The following SPINK8 variants were observed in gnomAD, a reference collection of about 807,000 sequenced individuals.
The protein encoded by SPINK8 is serine peptidase inhibitor Kazal type 8 (putative), also known as serine protease inhibitor Kazal-type 8.
A neutral mutation model predicts 14.4 loss-of-function variants in SPINK8; 12 were observed. The observed-to-expected ratio is 0.83, with a 90% CI of 0.53 to 1.35. The LOEUF (loss-of-function observed/expected upper bound fraction) is 1.35. SPINK8 is among the 40% of genes most tolerant of loss of function. The pLI, the probability that SPINK8 is intolerant of heterozygous loss-of-function variation, is 0.00. For synonymous variants in SPINK8, 32 were observed against 37.6 expected (o/e 0.85, Z 0.55); for missense variants, 103 against 117.0 (o/e 0.88, Z 0.55).
At chr3:48,331,856 G>A (rs1361901012) in intron 2 of SPINK8, among the ~76,000 whole-genome samples, 6 of 152,208 alleles carry the variant, frequency 3.9e-5, no homozygotes, top group Non-Finnish European at 7.3e-5. Flanking sequence ...AGAAGGCCGC[G>A]CTAGTGTCCA....
intron 5 of SPINK8, among the ~76,000 whole-genome samples, chr3:48,320,288 G>A (rs1450819497): frequency 6.6e-6 from 1 of 152,124 alleles, no homozygotes; most frequent in South Asian, 2.1e-4. Flanking sequence ...GGCGGCTCAC[G>A]CCTGCACTCC....
chr3:48,324,689 G>C lies in SPINK8; in HGVS notation c.67+3586C>G, dbSNP rs574627642. Among the ~76,000 whole-genome samples the C allele has an allele frequency of 4.6e-5, 7 of 152,214 alleles. No individual in the cohort carries two copies. In the East Asian group the frequency reaches 1.2e-3, roughly 25 times the overall value. The stretch of plus-strand genomic sequence containing the variant: ...TGATTTCAATCCTTTTAGATTTATT[G>C]AGGCTTGTTTTATGATCTAGGATAT... On this transcript the variant is annotated intron_variant, in intron 4 of 7. Coordinates refer to ENST00000434006, the MANE Select transcript of SPINK8 (RefSeq NM_001080525.3).
At chr3:48,310,644 T>C (rs968609272) in intron 6 of SPINK8, among the ~76,000 whole-genome samples, 1 of 152,062 alleles carries the variant, frequency 6.6e-6, no homozygotes, top group Non-Finnish European at 1.5e-5. Flanking sequence ...ATTACAGGCA[T>C]GCGCCACCAG....
rs1470857515 is a variant in SPINK8 at position 48,306,905 on chromosome 3, TAAAGGGGA to T, written c.*79_*86del. 1.5e-5 allele frequency: 20 copies of T among 1,374,820 alleles called. No homozygotes were observed. The Middle Eastern group carries it at 7.2e-4, about 50-fold the overall frequency. 85.2% of individuals were successfully genotyped at this position (1,374,820 alleles called of 1,614,324 possible). On this transcript the variant is annotated 3_prime_UTR_variant, in exon 8 of 8. Coordinates refer to ENST00000434006, the MANE Select transcript of SPINK8 (RefSeq NM_001080525.3). ...CGAGTTTGATCCAACCATTAGTAAT[TAAAGGGGA>T]TATATTTGAAGAGGCAACCATTGTG...
chr3:48,309,158 A>T (rs1233204456), intron 7 of SPINK8, among the ~76,000 whole-genome samples: 1 of 152,140 alleles, frequency 6.6e-6, no homozygotes, highest in Non-Finnish European at 1.5e-5. Flanking sequence ...ATTATTACTA[A>T]ATTATACAAT....
At chr3:48,321,096 A>C (rs1210488310) in intron 4 of SPINK8, 22 bp from the exon 5 acceptor site, 4 of 1,565,458 alleles carry the variant, frequency 2.6e-6, no homozygotes, top group South Asian at 1.2e-5. Context: ...AAGCACATAC[A>C]GAAAAGTTGC....
chr3:48,319,582 A>G lies in SPINK8; in HGVS notation c.154T>C (p.Leu52=). 6.2e-7 allele frequency: 1 copy of G among 1,613,978 alleles called. No homozygotes were observed. Among genetic ancestry groups the G allele is most frequent in the Non-Finnish European group, 8.5e-7 (1 of 1,179,886 alleles). ...GGTTCACTGGGCTTGATGTAGGATA[A>G]AAACCAGCACTTATTTACATTCTTG... is the stretch of plus-strand genomic sequence containing the variant. The part of the protein sequence containing the change: ...CLKNVNKCWF[L]SYIKPSEPIC... Residue 52 remains leucine (L), a synonymous_variant, in exon 6 of 8, where the codon TTA becomes CTA. Transcript: ENST00000434006.
At chr3:48,315,734 A>AAAAAAAAAAAAAAAAAAAAAAAC (rs1398559421) in intron 6 of SPINK8, among the ~76,000 whole-genome samples, 1 of 150,178 alleles carries the variant, frequency 6.7e-6, no homozygotes, top group Non-Finnish European at 1.5e-5. Context: ...AAAAAAAAAA[A>AAAAAAAAAAAAAAAAAAAAAAAC]AAAAAAAAAA....
intron 1 of SPINK8, among the ~76,000 whole-genome samples, chr3:48,332,913 TCTC>T (rs1158054381): frequency 1.3e-5 from 2 of 152,126 alleles, no homozygotes; most frequent in Non-Finnish European, 1.5e-5. Context: ...TGGGCTGAAT[TCTC>T]CTCCTCCCAC....
At chr3:48,307,130 G>A in intron 7 of SPINK8, 127 bp from the exon 8 acceptor site, 3 of 907,724 alleles carry the variant, frequency 3.3e-6, no homozygotes, top group Non-Finnish European at 5.0e-6. Flanking sequence ...AATTAAGGCA[G>A]GTTAGAGACA....
chr3:48,306,962 C>G lies in SPINK8; in HGVS notation c.*30G>C, dbSNP rs1363879287. On this transcript the variant is annotated 3_prime_UTR_variant, in exon 8 of 8. Transcript: ENST00000434006. ...TGTTTCACTTGGCAATCTGGAGATT[C>G]AGTAGGTTTTATAATTCTTTGTCGT... 3 of 1,611,156 alleles carry G rather than the reference C, an allele frequency of 1.9e-6. No individual in the cohort carries two copies. Among genetic ancestry groups the G allele is most frequent in the Non-Finnish European group, 1.7e-6 (2 of 1,178,286 alleles).
chr3:48,329,691 C>A (rs2036218774), intron 2 of SPINK8, among the ~76,000 whole-genome samples: 1 of 152,128 alleles, frequency 6.6e-6, no homozygotes, highest in Admixed American at 6.5e-5. Context: ...GAGACAAGGT[C>A]TTTCTCTGTT....
At chr3:48,332,060 G>C (rs1170504340) in intron 2 of SPINK8, among the ~76,000 whole-genome samples, 3 of 152,238 alleles carry the variant, frequency 2.0e-5, no homozygotes, top group South Asian at 4.1e-4. Context: ...GCATGGATGA[G>C]GGGGTGGCTT....
At chr3:48,331,277 G>C (rs1183621630) in intron 2 of SPINK8, among the ~76,000 whole-genome samples, 1 of 152,178 alleles carries the variant, frequency 6.6e-6, no homozygotes, top group East Asian at 1.9e-4. Context: ...TCTTGGTAAG[G>C]GGAGCTACTG....
At chr3:48,316,763 A>T (rs1047290151) in intron 6 of SPINK8, among the ~76,000 whole-genome samples, 6 of 152,174 alleles carry the variant, frequency 3.9e-5, no homozygotes, top group Non-Finnish European at 1.5e-5. Context: ...ACAGAGTGAG[A>T]CCTGGTCTCA....
At position 48,319,619 on chromosome 3, in the gene SPINK8, C is replaced by A; in HGVS notation, c.118-1G>T. 6.2e-7 allele frequency: 1 copy of A among 1,613,828 alleles called. No individual in the cohort carries two copies. The highest frequency in any genetic ancestry group is 8.5e-7 in the Non-Finnish European group (1 of 1,179,816). ...TATTTACATTCTTGAGGCATTCAAC[C>A]TGAAGGTGAGACACACACAACTGCT... On this transcript the variant is annotated splice_acceptor_variant, in intron 5 of 7. Coordinates refer to ENST00000434006, the MANE Select transcript of SPINK8 (RefSeq NM_001080525.3). LOFTEE classifies it high-confidence loss of function.
intron 6 of SPINK8, among the ~76,000 whole-genome samples, chr3:48,317,985 C>T (rs1045574632): frequency 5.9e-5 from 9 of 152,164 alleles, no homozygotes; most frequent in Admixed American, 5.9e-4. Context: ...AGCAATCCTT[C>T]TGCCTCAGCT....
At chr3:48,333,244 T>A (rs71323396) in intron 1 of SPINK8, among the ~76,000 whole-genome samples, 2 of 152,048 alleles carry the variant, frequency 1.3e-5, no homozygotes, top group Non-Finnish European at 2.9e-5. Context: ...TTGGAGGGCA[T>A]GTTTCTCCCT....
intron 6 of SPINK8, among the ~76,000 whole-genome samples, chr3:48,310,301 A>G (rs1225792193): frequency 1.3e-5 from 2 of 152,208 alleles, no homozygotes; most frequent in Non-Finnish European, 2.9e-5. Context: ...AGAGAATACT[A>G]TGAACAATTG....
Sources: allele counts gnomAD v4.1 joint callset (sites outside exome capture counted in the v4.1 genomes callset), GRCh38; gene constraint gnomAD v4.1.1; transcripts MANE v1.5; gene names NCBI Gene and HGNC (gene_info 2026-07-23, HGNC 2026-07-21).